The following GEMIN5 variants were observed in gnomAD, a reference collection of about 807,000 sequenced individuals.
GEMIN5 encodes gem nuclear organelle associated protein 5.
Under a neutral mutation model 176.9 loss-of-function variants are expected in GEMIN5, and 124 were observed. The observed-to-expected ratio is 0.70, with a 90% CI of 0.61 to 0.81. The LOEUF (loss-of-function observed/expected upper bound fraction) is 0.81. Ranked by LOEUF, GEMIN5 falls within the 40% of genes least tolerant of loss-of-function variation. The pLI is 0.00. For synonymous variants in GEMIN5, 673 were observed against 665.2 expected, an observed-to-expected ratio of 1.01 and a Z score of -0.18; for missense variants, 1,843 against 1,814.6, an observed-to-expected ratio of 1.02 and a Z score of -0.28.
chr5:154,935,341 A>G (rs1764245382), intron 3 of GEMIN5, among the ~76,000 whole-genome samples: 1 of 152,232 alleles, frequency 6.6e-6, no homozygotes, highest in Admixed American at 6.5e-5. Context: ...AAATTAGAGA[A>G]AATAGACATC....
chr5:154,907,573 C>G lies in GEMIN5; in HGVS notation c.2395+18G>C, dbSNP rs1388374859. The G allele has an allele frequency of 6.3e-7, 1 of 1,577,644 alleles. No individual in the cohort carries two copies. Among genetic ancestry groups the G allele is most frequent in the East Asian group, 2.2e-5 (1 of 44,672 alleles). On this transcript the variant is annotated intron_variant, in intron 16 of 27. Transcript: ENST00000285873. ...ACGACCATGAAATCCTAGTGATACA[C>G]AGGATTCTGCCACATACCCGCTGGA...
intron 23 of GEMIN5, 116 bp from the exon 24 acceptor site, chr5:154,896,459 C>A (rs1763354719): frequency 9.9e-7 from 1 of 1,008,178 alleles, no homozygotes; most frequent in Non-Finnish European, 1.4e-6. Context: ...AACCAAAGCA[C>A]ATTAGTGAGC....
chr5:154,902,458 G>T, intron 20 of GEMIN5, 81 bp downstream of exon 20: 2 of 1,295,718 alleles, frequency 1.5e-6, no homozygotes, highest in Non-Finnish European at 2.2e-6. Context: ...GCTTAAGACT[G>T]TGCTAAGAGC....
chr5:154,894,289 C>T (rs943525699), intron 24 of GEMIN5, among the ~76,000 whole-genome samples: 3 of 152,092 alleles, frequency 2.0e-5, no homozygotes, highest in African/African-American at 7.2e-5. Flanking sequence ...ATAGACACAA[C>T]ACAGTTTGCA....
At chr5:154,899,757 C>T (rs1022582223) in intron 21 of GEMIN5, among the ~76,000 whole-genome samples, 3 of 152,056 alleles carry the variant, frequency 2.0e-5, no homozygotes, top group African/African-American at 7.2e-5. Flanking sequence ...GTAAAAATTA[C>T]AAATTTTACT....
chr5:154,912,107 C>T (rs1305663945), intron 14 of GEMIN5, among the ~76,000 whole-genome samples: 5 of 152,280 alleles, frequency 3.3e-5, no homozygotes, highest in Middle Eastern at 3.4e-3. Flanking sequence ...GATGCATAGA[C>T]ATTTCTACGG....
In GEMIN5 at chr5:154,888,316, A is replaced by G. The variant is rs770790316; in HGVS notation, c.4421T>C (p.Phe1474Ser). The G allele has an allele frequency of 1.2e-6, 2 of 1,614,218 alleles. No homozygotes were observed. The highest frequency in any genetic ancestry group is 1.7e-6 in the Non-Finnish European group (2 of 1,180,028). Residue 1474 changes from phenylalanine (F) to serine (S), a missense_variant, in exon 28 of 28, where the codon TTT becomes TCT. By Grantham distance (155) the Phe-to-Ser change is radical (BLOSUM62 -2). Coordinates refer to ENST00000285873, the MANE Select transcript of GEMIN5 (RefSeq NM_015465.5). ...CLVLLLIRSH[F>S]PGCLAQEMQQ... ...CATTTCCTGGGCCAGACAGCCAGGA[A>G]AGTGGGACCTGATGAGAAGCAGGAC...
chr5:154,907,714 T>C lies in GEMIN5; in HGVS notation c.2272A>G (p.Ile758Val). 1 of 1,614,172 alleles carries C rather than the reference T, an allele frequency of 6.2e-7. No homozygotes were observed. The highest frequency in any genetic ancestry group is 1.7e-5 in the Admixed American group (1 of 60,028). The change falls in exon 16 of 28, where the codon ATT becomes GTT. Residue 758 changes from isoleucine to valine, a missense_variant. Coordinates refer to ENST00000285873, the MANE Select transcript of GEMIN5 (RefSeq NM_015465.5). ...ATGCTTTCTTCTTCATTTCCATCAATCGATTCCAGCTTTACAGGAGTTCTC... is the reference window on the plus strand; with the variant it reads ...ATGCTTTCTTCTTCATTTCCATCAACCGATTCCAGCTTTACAGGAGTTCTC... The part of the protein sequence containing the change: ...TLRTPVKLES[I>V]DGNEEESMKE...
intron 11 of GEMIN5, among the ~76,000 whole-genome samples, chr5:154,919,104 G>C (rs1763868556): frequency 6.6e-6 from 1 of 150,888 alleles, no homozygotes; most frequent in Non-Finnish European, 1.5e-5. Context: ...CAAAGCAGGT[G>C]GATCACTTGA....
In GEMIN5 at chr5:154,927,395, A is replaced by G; in HGVS notation, c.1070T>C (p.Met357Thr). 6.4e-7 allele frequency: 1 copy of G among 1,571,888 alleles called. No homozygotes were observed. Among genetic ancestry groups the G allele is most frequent in the Non-Finnish European group, 8.8e-7 (1 of 1,141,960 alleles). Reference protein sequence around the residue: ...DDKQLLLSTSMDRDVKCWDIA... With the variant: ...DDKQLLLSTSTDRDVKCWDIA... ...AATAAGCATTCTTACATCTCTATCC[A>G]TTGATGTAGAAAGTAATAGCTGTTT... Residue 357 changes from methionine (M) to threonine (T), a missense_variant, in exon 7 of 28, where the codon ATG becomes ACG. Transcript: ENST00000285873.
chr5:154,926,102 A>C, intron 7 of GEMIN5, 28 bp from the exon 8 acceptor site: 1 of 1,445,904 alleles, frequency 6.9e-7, no homozygotes, highest in Non-Finnish European at 9.7e-7. Context: ...AAGGGCCTAA[A>C]CATAAAAAAG....
intron 23 of GEMIN5, 53 bp from the exon 24 acceptor site, chr5:154,896,396 G>C: frequency 6.7e-7 from 1 of 1,495,440 alleles, no homozygotes; most frequent in Non-Finnish European, 8.9e-7. Context: ...AGCACTGGAT[G>C]ATCTCGAGAG....
chr5:154,905,072 T>G (rs993300458), intron 17 of GEMIN5, among the ~76,000 whole-genome samples: 6 of 152,134 alleles, frequency 3.9e-5, no homozygotes, highest in African/African-American at 1.2e-4. Flanking sequence ...CGGGCGCCTG[T>G]AATCCCAGCT....
intron 3 of GEMIN5, among the ~76,000 whole-genome samples, chr5:154,934,923 C>T (rs1047595443): frequency 6.6e-6 from 1 of 152,126 alleles, no homozygotes; most frequent in Non-Finnish European, 1.5e-5. Flanking sequence ...ATGAGAAAAT[C>T]AGAAATACCA....
intron 9 of GEMIN5, among the ~76,000 whole-genome samples, chr5:154,921,988 C>A (rs1018527905): frequency 2.0e-5 from 3 of 152,038 alleles, no homozygotes; most frequent in African/African-American, 7.3e-5. Context: ...TTTCTTTTAC[C>A]ATAAATTATC....
At chr5:154,892,325 C>T (rs1274162239) in intron 25 of GEMIN5, 62 bp downstream of exon 25, 5 of 1,363,670 alleles carry the variant, frequency 3.7e-6, no homozygotes, top group Non-Finnish European at 5.2e-6. Context: ...CAGTGCCACA[C>T]CACTAATGGT....
rs768871549 is a variant in GEMIN5, at chr5:154,891,554, G to C, written c.3949C>G (p.Gln1317Glu). The C allele has an allele frequency of 1.9e-6, 3 of 1,614,042 alleles. No homozygotes were observed. In the African/African-American group the frequency reaches 4.0e-5, roughly 22 times the overall value. Residue 1317 changes from glutamine to glutamate, a missense_variant, in exon 26 of 28, where the codon CAG becomes GAG. Transcript: ENST00000285873. ...TCTTCAGTGCTGGCAGTGTCTAACT[G>C]CTGGCTTGGCTCAACAGAGAGTGTT... ...HRTLSVEPSQ[Q>E]LDTASTEETD...
At chr5:154,925,181 AAG>A (rs1358358461) in intron 8 of GEMIN5, among the ~76,000 whole-genome samples, 1 of 152,334 alleles carries the variant, frequency 6.6e-6, no homozygotes, top group East Asian at 1.9e-4. Context: ...GAGTCGGAAT[AAG>A]AGATTCTGGA....
In GEMIN5 at chr5:154,888,487, A is replaced by C. The variant is rs547216214; in HGVS notation, c.4360-110T>G. ...GTTCATCTATAGACACTTCTTGGACACAGCTGAGCCAGCTGTCTCCTAAGG... is the reference window on the plus strand; with the variant it reads ...GTTCATCTATAGACACTTCTTGGACCCAGCTGAGCCAGCTGTCTCCTAAGG... On this transcript the variant is annotated intron_variant, in intron 27 of 27. Transcript: ENST00000285873. 8.4e-6 allele frequency: 7 copies of C among 829,362 alleles called. No homozygotes were observed. In the South Asian group the frequency reaches 1.2e-4, roughly 15 times the overall value. The allele number at this position is 829,362 out of a possible 1,614,324, so 51.4% of individuals were successfully genotyped here.
Sources: allele counts gnomAD v4.1 joint callset (sites outside exome capture counted in the v4.1 genomes callset), GRCh38; gene constraint gnomAD v4.1.1; transcripts MANE v1.5; gene names NCBI Gene and HGNC (gene_info 2026-07-23, HGNC 2026-07-21).